FHOD3: variants seen among roughly 807,000 people sequenced by gnomAD.
The protein encoded by FHOD3 is FH1/FH2 domain-containing protein 3.
A neutral mutation model predicts 173.0 loss-of-function variants in FHOD3; 90 were observed. The ratio of observed to expected loss-of-function variants is 0.52; its 90% confidence interval spans 0.44 to 0.62. FHOD3 has a LOEUF of 0.62. Ranked by LOEUF, FHOD3 falls within the 20% of genes least tolerant of loss-of-function variation. The pLI is 0.00. For missense variants in FHOD3, 1,945 were observed against 2,034.7 expected (o/e 0.96, Z 0.85); for synonymous variants, 828 against 823.0 (o/e 1.01, Z -0.10).
chr18:36,755,430 A>C (rs1431009125), intron 25 of FHOD3, 119 bp downstream of exon 25: 2 of 654,314 alleles, frequency 3.1e-6, no homozygotes, highest in Admixed American at 5.5e-5. Flanking sequence ...TTTTTTGACT[A>C]TAAAAAATTA....
At position 36,471,195 on chromosome 18, in the gene FHOD3, G is replaced by A. The variant is rs2053264923; in HGVS notation, c.338-30737G>A. Among the ~76,000 whole-genome samples, 6 of 152,312 alleles carry A rather than the reference G, an allele frequency of 3.9e-5. No homozygotes were observed. In the South Asian group the frequency reaches 1.2e-3, roughly 32 times the overall value. ...TACTCTGCCCAGCCCACAAAGCAGA[G>A]GAGCATGAGCCCGTGCCATGTGAAT... On this transcript the variant is annotated intron_variant, in intron 3 of 28. Coordinates refer to ENST00000590592, the MANE Select transcript of FHOD3 (RefSeq NM_001281740.3).
At chr18:36,484,089 C>T (rs1047361228) in intron 3 of FHOD3, among the ~76,000 whole-genome samples, 3 of 152,162 alleles carry the variant, frequency 2.0e-5, no homozygotes, top group Admixed American at 6.5e-5. Flanking sequence ...AAGTGTGAGA[C>T]GATTAAAGAT....
intron 1 of FHOD3, among the ~76,000 whole-genome samples, chr18:36,299,053 TA>T (rs35450004): frequency 7.6e-6 from 1 of 132,186 alleles, no homozygotes. Context: ...AAAATTGATT[TA>T]AAAAAAAACC....
intron 27 of FHOD3, among the ~76,000 whole-genome samples, chr18:36,762,352 T>C (rs2042918783): frequency 6.6e-6 from 1 of 152,156 alleles, no homozygotes; most frequent in Non-Finnish European, 1.5e-5. Flanking sequence ...TCCAGAACCC[T>C]AGGGCTTTTG....
chr18:36,417,036 AG>A (rs1441662188), intron 3 of FHOD3, among the ~76,000 whole-genome samples: 7 of 152,126 alleles, frequency 4.6e-5, no homozygotes, highest in Admixed American at 2.0e-4. Flanking sequence ...ACACATGCAC[AG>A]TTTTTTATAT....
intron 3 of FHOD3, among the ~76,000 whole-genome samples, chr18:36,431,038 G>A (rs2050519542): frequency 6.6e-6 from 1 of 152,142 alleles, no homozygotes; most frequent in African/African-American, 2.4e-5. Context: ...AGAAATAATT[G>A]ATATGTTATA....
At chr18:36,420,598 T>C (rs999802748) in intron 3 of FHOD3, among the ~76,000 whole-genome samples, 15 of 152,218 alleles carry the variant, frequency 9.9e-5, no homozygotes, top group African/African-American at 3.6e-4. Context: ...AACCAGCCCT[T>C]AGATGACACT....
At chr18:36,632,827 T>C (rs530530569) in intron 10 of FHOD3, among the ~76,000 whole-genome samples, 30 of 152,300 alleles carry the variant, frequency 2.0e-4, no homozygotes, top group African/African-American at 6.5e-4. Flanking sequence ...AAAGAATTTG[T>C]CTGAGGGGCA....
chr18:36,596,169 T>C (rs1022813837), intron 7 of FHOD3, among the ~76,000 whole-genome samples: 15 of 152,004 alleles, frequency 9.9e-5, no homozygotes, highest in Admixed American at 7.2e-4. Flanking sequence ...TGTCTTTTGT[T>C]TTTGAGACGG....
chr18:36,397,793 C>A (rs773995582), intron 3 of FHOD3, among the ~76,000 whole-genome samples: 1 of 152,154 alleles, frequency 6.6e-6, no homozygotes, highest in Non-Finnish European at 1.5e-5. Context: ...CACTCTAGGG[C>A]TAGTATGGTT....
At chr18:36,310,619 G>A (rs537398272) in intron 1 of FHOD3, among the ~76,000 whole-genome samples, 2 of 151,500 alleles carry the variant, frequency 1.3e-5, no homozygotes, top group South Asian at 2.1e-4. Flanking sequence ...CCTGGGAGGT[G>A]GAGGTTGCAG....
chr18:36,426,246 G>A (rs1043408130), intron 3 of FHOD3, among the ~76,000 whole-genome samples: 2 of 152,092 alleles, frequency 1.3e-5, no homozygotes, highest in African/African-American at 4.8e-5. Context: ...GCTCTACATG[G>A]TAGGGGTTGT....
intron 18 of FHOD3, among the ~76,000 whole-genome samples, chr18:36,711,756 A>T (rs147644600): frequency 6.6e-6 from 1 of 152,236 alleles, no homozygotes; most frequent in African/African-American, 2.4e-5. Flanking sequence ...CTTAAATTAT[A>T]TGACAGTGAA....
intron 3 of FHOD3, among the ~76,000 whole-genome samples, chr18:36,452,179 G>C (rs1210911880): frequency 6.6e-6 from 1 of 152,096 alleles, no homozygotes; most frequent in African/African-American, 2.4e-5. Context: ...CACAAATGCT[G>C]GGTATCTTAA....
chr18:36,307,345 A>G (rs956303834), intron 1 of FHOD3, among the ~76,000 whole-genome samples: 2 of 152,216 alleles, frequency 1.3e-5, no homozygotes, highest in Non-Finnish European at 2.9e-5. Context: ...GGGGATGGAC[A>G]TGGCCCTTGA....
intron 10 of FHOD3, among the ~76,000 whole-genome samples, chr18:36,632,163 G>T (rs1215652889): frequency 1.3e-5 from 2 of 152,184 alleles, no homozygotes; most frequent in Non-Finnish European, 2.9e-5. Context: ...CTCCACAAAG[G>T]CTGTATGGTT....
At chr18:36,751,741 T>A (rs913159568) in intron 24 of FHOD3, among the ~76,000 whole-genome samples, 2 of 152,174 alleles carry the variant, frequency 1.3e-5, no homozygotes, top group African/African-American at 4.8e-5. Context: ...ATAATGTGGG[T>A]TTTGTCTTTA....
chr18:36,425,529 A>G (rs1255806963), intron 3 of FHOD3, among the ~76,000 whole-genome samples: 1 of 152,232 alleles, frequency 6.6e-6, no homozygotes, highest in Non-Finnish European at 1.5e-5. Context: ...AATAATAGCA[A>G]AAGTGGCCAG....
chr18:36,677,863 A>T (rs889767023), intron 14 of FHOD3, among the ~76,000 whole-genome samples: 1 of 152,244 alleles, frequency 6.6e-6, no homozygotes, highest in African/African-American at 2.4e-5. Flanking sequence ...TTTTTTCAAT[A>T]CATAAATGTG....
Sources: allele counts gnomAD v4.1 joint callset (sites outside exome capture counted in the v4.1 genomes callset), GRCh38; gene constraint gnomAD v4.1.1; transcripts MANE v1.5; gene names NCBI Gene and HGNC (gene_info 2026-07-23, HGNC 2026-07-21).